CACNA2D1: variants seen among roughly 807,000 people sequenced by gnomAD.
CACNA2D1 encodes voltage-dependent calcium channel subunit alpha-2/delta-1.
Under a neutral mutation model 171.5 loss-of-function variants are expected in CACNA2D1, and 53 were observed. The ratio of observed to expected loss-of-function variants is 0.31; its 90% confidence interval spans 0.25 to 0.39. CACNA2D1 has a LOEUF of 0.39. CACNA2D1 is among the 10% of genes least tolerant of loss of function. The probability of loss-of-function intolerance (pLI) is 1.00; values close to 1 mark genes in which losing one functional copy is unlikely to be tolerated. For synonymous variants in CACNA2D1, 442 were observed against 443.1 expected, an observed-to-expected ratio of 1.00 and a Z score of 0.03; for missense variants, 903 against 1,299.8, an observed-to-expected ratio of 0.69 and a Z score of 4.69.
rs79445587 is a variant in CACNA2D1 at position 82,136,189 on chromosome 7, T to A, written c.396+446A>T. Among the ~76,000 whole-genome samples the A allele has an allele frequency of 9.9e-3, 1,505 of 152,272 alleles. 17 individuals are homozygous for A. Among genetic ancestry groups the A allele is most frequent in the African/African-American group, 0.035 (1,439 of 41,548 alleles). ...TCAAAGACTGTACAAGCAGGGCAGG[T>A]TGTTGCACAGCTTCTGGGGTGTCAT... is the stretch of plus-strand genomic sequence containing the variant. On this transcript the variant is annotated intron_variant, in intron 5 of 38. Transcript: ENST00000356860.
intron 1 of CACNA2D1, among the ~76,000 whole-genome samples, chr7:82,362,408 T>C (rs959042037): frequency 6.6e-6 from 1 of 152,168 alleles, no homozygotes; most frequent in African/African-American, 2.4e-5. Flanking sequence ...CCCACAGGCC[T>C]GACAACCCTT....
At chr7:82,418,167 G>C (rs1301860992) in intron 1 of CACNA2D1, among the ~76,000 whole-genome samples, 1 of 152,150 alleles carries the variant, frequency 6.6e-6, no homozygotes, top group East Asian at 1.9e-4. Flanking sequence ...AGAAATGAGT[G>C]CCCAGCAAAG....
At position 82,190,373 on chromosome 7, in the gene CACNA2D1, C is replaced by T. The variant is rs188563339; in HGVS notation, c.295-19764G>A. ...ATTGTTTTAAGAAAAAAATCTGCTC[C>T]GTGGCACAAAGGAGATTAATTACTA... is the stretch of plus-strand genomic sequence containing the variant. On this transcript the variant is annotated intron_variant, in intron 3 of 38. Coordinates refer to ENST00000356860, the MANE Select transcript of CACNA2D1 (RefSeq NM_000722.4). Among the ~76,000 whole-genome samples, 53 of 151,742 alleles carry T rather than the reference C, an allele frequency of 3.5e-4. 1 individual carries two copies. In the East Asian group the frequency reaches 8.3e-3, roughly 24 times the overall value.
chr7:82,247,503 C>CA (rs1310975954), intron 3 of CACNA2D1, among the ~76,000 whole-genome samples: 1 of 146,898 alleles, frequency 6.8e-6, no homozygotes, highest in East Asian at 2.0e-4. Flanking sequence ...GACCCTGTCT[C>CA]AAAAAAGAAA....
At chr7:82,005,642 T>A in intron 17 of CACNA2D1, 123 bp downstream of exon 17, 1 of 893,460 alleles carries the variant, frequency 1.1e-6, no homozygotes, top group Non-Finnish European at 1.8e-6. Context: ...GAGATGCTTT[T>A]AACCATTTAG....
chr7:82,009,359 T>C (rs1389007834), intron 15 of CACNA2D1: 1 of 152,132 alleles, frequency 6.6e-6, no homozygotes, highest in Non-Finnish European at 1.5e-5. Flanking sequence ...TAGACACATG[T>C]TGGCGCTTAT....
intron 3 of CACNA2D1, among the ~76,000 whole-genome samples, chr7:82,194,405 A>G (rs1239174891): frequency 2.0e-5 from 3 of 152,156 alleles, no homozygotes; most frequent in East Asian, 1.9e-4. Flanking sequence ...AAAAAACAAA[A>G]CAAAAAAGTT....
chr7:82,078,407 T>A (rs931604306), intron 7 of CACNA2D1, among the ~76,000 whole-genome samples: 7 of 152,274 alleles, frequency 4.6e-5, no homozygotes, highest in Admixed American at 4.6e-4. Flanking sequence ...ACAGGTGAAA[T>A]GACCAGTTTG....
At chr7:82,141,788 G>A (rs745326641) in intron 4 of CACNA2D1, among the ~76,000 whole-genome samples, 23 of 152,256 alleles carry the variant, frequency 1.5e-4, no homozygotes, top group African/African-American at 4.8e-4. Flanking sequence ...GACATTGCCC[G>A]TCTGTTGATC....
At chr7:82,291,661 A>ATATAT (rs1554498959) in intron 3 of CACNA2D1, among the ~76,000 whole-genome samples, 1 of 135,748 alleles carries the variant, frequency 7.4e-6, no homozygotes, top group African/African-American at 2.8e-5. Flanking sequence ...ATATATATAT[A>ATATAT]TTTTTTTTTC....
intron 2 of CACNA2D1, among the ~76,000 whole-genome samples, chr7:82,339,799 CA>C (rs1189889915): frequency 6.6e-6 from 1 of 152,170 alleles, no homozygotes; most frequent in Non-Finnish European, 1.5e-5. Context: ...GCTTCCCAAA[CA>C]TCCATATCCT....
intron 5 of CACNA2D1, among the ~76,000 whole-genome samples, chr7:82,128,439 C>T (rs1790587978): frequency 1.3e-5 from 2 of 152,106 alleles, no homozygotes; most frequent in Non-Finnish European, 2.9e-5. Context: ...ATAAAATGCC[C>T]TTGAGGAATT....
chr7:81,969,799 G>C (rs1332439686), intron 28 of CACNA2D1, 82 bp downstream of exon 28: 1 of 773,658 alleles, frequency 1.3e-6, no homozygotes, highest in East Asian at 2.6e-5. Context: ...ATAAAATGTA[G>C]TGATTTGGGG....
intron 38 of CACNA2D1, among the ~76,000 whole-genome samples, chr7:81,956,628 CTT>C (rs1461470517): frequency 2.0e-5 from 3 of 152,002 alleles, no homozygotes; most frequent in African/African-American, 7.2e-5. Context: ...TGCCAGAAGA[CTT>C]GTGGTTATTT....
At chr7:81,994,193 T>C (rs2130770721) in intron 20 of CACNA2D1, among the ~76,000 whole-genome samples, 1 of 152,228 alleles carries the variant, frequency 6.6e-6, no homozygotes, top group Non-Finnish European at 1.5e-5. Context: ...GAGACTTACA[T>C]TTTTCAAATA....
At chr7:82,318,993 G>A (rs1275600643) in intron 3 of CACNA2D1, among the ~76,000 whole-genome samples, 5 of 152,202 alleles carry the variant, frequency 3.3e-5, no homozygotes, top group Non-Finnish European at 5.9e-5. Context: ...GCAAGGCAGA[G>A]TGAGGAGATA....
chr7:82,316,167 A>C (rs1815099845), intron 3 of CACNA2D1, among the ~76,000 whole-genome samples: 1 of 152,152 alleles, frequency 6.6e-6, no homozygotes, highest in Admixed American at 6.6e-5. Context: ...TAAATAAGGT[A>C]GTTTTAATTA....
intron 1 of CACNA2D1, among the ~76,000 whole-genome samples, chr7:82,395,945 T>C (rs896930073): frequency 6.6e-6 from 1 of 152,212 alleles, no homozygotes; most frequent in Non-Finnish European, 1.5e-5. Context: ...AGATGATATA[T>C]GTGAAAATCC....
At chr7:82,084,707 A>G (rs1810239035) in intron 7 of CACNA2D1, 62 bp downstream of exon 7, 2 of 1,563,808 alleles carry the variant, frequency 1.3e-6, no homozygotes, top group East Asian at 2.2e-5. Flanking sequence ...GGAAGATAAC[A>G]GAGTATTCTC....
Sources: allele counts gnomAD v4.1 joint callset (sites outside exome capture counted in the v4.1 genomes callset), GRCh38; gene constraint gnomAD v4.1.1; transcripts MANE v1.5; gene names NCBI Gene and HGNC (gene_info 2026-07-23, HGNC 2026-07-21).